UNC79: variants seen among roughly 807,000 people sequenced by gnomAD.
The protein encoded by UNC79 is unc-79 subunit of NALCN channel complex.
In UNC79, 37 loss-of-function variants were observed where a neutral mutation model predicts 283.1. The observed-to-expected ratio is 0.13, with a 90% confidence interval of 0.10 to 0.17. The LOEUF is 0.17. Among genes scored for constraint, UNC79 ranks in the 10% least tolerant of loss-of-function variants. The pLI is 1.00. For synonymous variants in UNC79, 1,107 were observed against 1,200.2 expected, an observed-to-expected ratio of 0.92 and a Z score of 1.61; for missense variants, 2,272 against 3,211.1, an observed-to-expected ratio of 0.71 and a Z score of 7.07.
intron 42 of UNC79, among the ~76,000 whole-genome samples, chr14:93,683,148 G>T (rs1448113231): frequency 1.3e-5 from 2 of 150,842 alleles, no homozygotes; most frequent in African/African-American, 4.9e-5. Context: ...TTTTTTTAAG[G>T]GTTCTTGATA....
intron 14 of UNC79, among the ~76,000 whole-genome samples, chr14:93,567,890 T>C (rs1294914697): frequency 6.6e-6 from 1 of 152,132 alleles, no homozygotes; most frequent in Non-Finnish European, 1.5e-5. Flanking sequence ...TCAATCAATA[T>C]ATGTAAGAAA....
exon 30 of UNC79, chr14:93,622,553 C>G (rs1432171992): frequency 3.1e-6 from 5 of 1,614,010 alleles, no homozygotes; most frequent in African/African-American, 1.3e-5. Flanking sequence ...GGGGGAGAAG[C>G]CTGGGGAGCT....
chr14:93,601,251 C>T (rs556920767), intron 25 of UNC79, among the ~76,000 whole-genome samples: 1 of 149,028 alleles, frequency 6.7e-6, no homozygotes, highest in African/African-American at 2.5e-5. Flanking sequence ...CCCTCACCCC[C>T]CTTCCACCCT....
At chr14:93,626,540 A>G (rs1217363580) in intron 30 of UNC79, among the ~76,000 whole-genome samples, 1 of 152,104 alleles carries the variant, frequency 6.6e-6, no homozygotes, top group Non-Finnish European at 1.5e-5. Context: ...CACTTGATCC[A>G]TGTTCTCCCA....
chr14:93,647,147 T>C (rs188744002), intron 35 of UNC79, among the ~76,000 whole-genome samples: 65 of 152,266 alleles, frequency 4.3e-4, no homozygotes, highest in Non-Finnish European at 3.4e-4. Flanking sequence ...CTAAGTGCTA[T>C]GAAGAAAAAG....
At chr14:93,629,415 A>G (rs1317443428) in intron 30 of UNC79, among the ~76,000 whole-genome samples, 3 of 152,206 alleles carry the variant, frequency 2.0e-5, no homozygotes, top group Non-Finnish European at 4.4e-5. Flanking sequence ...GAGGATACCT[A>G]AGAGAAAAAT....
At chr14:93,686,934 C>T (rs1422396936) in intron 43 of UNC79, among the ~76,000 whole-genome samples, 1 of 152,174 alleles carries the variant, frequency 6.6e-6, no homozygotes, top group Non-Finnish European at 1.5e-5. Flanking sequence ...GATACTATCC[C>T]CATTTTACAA....
At chr14:93,598,470 G>A (rs985423988) in intron 24 of UNC79, among the ~76,000 whole-genome samples, 1 of 151,830 alleles carries the variant, frequency 6.6e-6, no homozygotes, top group African/African-American at 2.4e-5. Context: ...TGGGCTGGAG[G>A]CCTCTGTTGT....
Position 93,651,607 on chromosome 14 carries a change from G to A in UNC79, c.6084-2135G>A, listed in dbSNP as rs1321075759. The stretch of plus-strand genomic sequence containing the variant: ...ACAATTGATTTTTGCATATTAGCAT[G>A]TATTCTAGCTAAATTCACTTATTAG... On this transcript the variant is annotated intron_variant, in intron 35 of 48. Coordinates refer to ENST00000555664, the Ensembl canonical transcript of UNC79. Among the ~76,000 whole-genome samples the A allele has an allele frequency of 2.0e-5, 3 of 152,140 alleles. No individual in the cohort carries two copies. The East Asian group carries it at 5.8e-4, about 29-fold the overall frequency.
chr14:93,364,065 T>G (rs2139948508), intron 1 of UNC79, among the ~76,000 whole-genome samples: 1 of 152,234 alleles, frequency 6.6e-6, no homozygotes, highest in Middle Eastern at 3.4e-3. Flanking sequence ...TGGTTTAAAG[T>G]CTGTTTTATC....
At chr14:93,488,580 A>G (rs1353440745) in intron 5 of UNC79, among the ~76,000 whole-genome samples, 5 of 152,188 alleles carry the variant, frequency 3.3e-5, no homozygotes, top group Admixed American at 6.5e-5. Flanking sequence ...TTTTTATTTC[A>G]AAATCTGAAT....
At chr14:93,599,841 G>C (rs1445761067) in intron 24 of UNC79, among the ~76,000 whole-genome samples, 1 of 152,188 alleles carries the variant, frequency 6.6e-6, no homozygotes, top group Non-Finnish European at 1.5e-5. Context: ...TAGATTTCTA[G>C]ACCATCTTTC....
intron 1 of UNC79, among the ~76,000 whole-genome samples, chr14:93,448,289 T>A (rs1752299317): frequency 6.6e-6 from 1 of 152,146 alleles, no homozygotes; most frequent in Non-Finnish European, 1.5e-5. Flanking sequence ...CTAACGGCTG[T>A]AAGTTCATTC....
intron 1 of UNC79, among the ~76,000 whole-genome samples, chr14:93,423,025 T>A (rs1490948098): frequency 4.7e-5 from 6 of 128,634 alleles, no homozygotes; most frequent in Non-Finnish European, 9.2e-5. Context: ...ATCGCACCAC[T>A]GCACTCCAGC....
intron 41 of UNC79, among the ~76,000 whole-genome samples, chr14:93,675,110 G>A (rs1239892997): frequency 6.6e-6 from 1 of 152,164 alleles, no homozygotes; most frequent in African/African-American, 2.4e-5. Context: ...TGTAAGGTCT[G>A]AACTATCCAG....
chr14:93,377,742 T>C (rs1197197309), intron 1 of UNC79, among the ~76,000 whole-genome samples: 4 of 152,176 alleles, frequency 2.6e-5, no homozygotes, highest in Non-Finnish European at 4.4e-5. Context: ...AATCTACTCA[T>C]AATCCTACCA....
At chr14:93,458,684 A>G (rs1383210925) in intron 1 of UNC79, among the ~76,000 whole-genome samples, 2 of 152,202 alleles carry the variant, frequency 1.3e-5, no homozygotes, top group Non-Finnish European at 2.9e-5. Flanking sequence ...AATTTAAAGC[A>G]GTTATTTAGG....
At chr14:93,408,576 C>T (rs965437953) in intron 1 of UNC79, among the ~76,000 whole-genome samples, 3 of 152,090 alleles carry the variant, frequency 2.0e-5, no homozygotes, top group Admixed American at 1.3e-4. Flanking sequence ...CCTGTGGTCC[C>T]AGCTATTCAG....
At chr14:93,567,122 G>T (rs938107263) in intron 14 of UNC79, among the ~76,000 whole-genome samples, 1 of 152,182 alleles carries the variant, frequency 6.6e-6, no homozygotes. Context: ...GCCAATCACC[G>T]AGTTTTGGCC....
Sources: allele counts gnomAD v4.1 joint callset (sites outside exome capture counted in the v4.1 genomes callset), GRCh38; gene constraint gnomAD v4.1.1; transcripts MANE v1.5; gene names NCBI Gene and HGNC (gene_info 2026-07-23, HGNC 2026-07-21).